The following ABHD17C variants were observed in gnomAD, a reference collection of about 807,000 sequenced individuals.
ABHD17C encodes the protein abhydrolase domain containing 17C, depalmitoylase.
ABHD17C carries 11 observed loss-of-function variants against 27.9 expected under a neutral mutation model. That is an observed-to-expected ratio of 0.39 (90% CI 0.25 to 0.65). The LOEUF is 0.65. Among genes scored for constraint, ABHD17C ranks in the 30% least tolerant of loss-of-function variants. The probability of loss-of-function intolerance (pLI) is 0.45; values close to 1 mark genes in which losing one functional copy is unlikely to be tolerated. For missense variants in ABHD17C, 280 were observed against 470.2 expected (o/e 0.60, Z 3.74); for synonymous variants, 233 against 209.1 (o/e 1.11, Z -0.98).
At chr15:80,703,760 T>C (rs1374276708) in intron 1 of ABHD17C, among the ~76,000 whole-genome samples, 1 of 152,114 alleles carries the variant, frequency 6.6e-6, no homozygotes, top group Non-Finnish European at 1.5e-5. Context: ...TTGAAAAAAA[T>C]GGAATGTTAG....
chr15:80,747,599 A>C (rs1389839414), intron 1 of ABHD17C, among the ~76,000 whole-genome samples: 3 of 151,496 alleles, frequency 2.0e-5, no homozygotes, highest in African/African-American at 7.3e-5. Flanking sequence ...GTTTCCTCAA[A>C]CCTCCCCACC....
intron 1 of ABHD17C, among the ~76,000 whole-genome samples, chr15:80,733,960 ATTATTTATTTATTTAT>A (rs139005879): frequency 1.4e-4 from 20 of 144,610 alleles, no homozygotes; most frequent in African/African-American, 2.3e-4. Flanking sequence ...ATTTTATTTT[ATTATTTATTTATTTAT>A]TTATTTATTT....
intron 1 of ABHD17C, among the ~76,000 whole-genome samples, chr15:80,744,309 C>T (rs1223464437): frequency 6.6e-6 from 1 of 152,088 alleles, no homozygotes; most frequent in Non-Finnish European, 1.5e-5. Context: ...AATTCAGATA[C>T]TTCTCATTTT....
intron 1 of ABHD17C, among the ~76,000 whole-genome samples, chr15:80,698,329 G>T (rs1284910607): frequency 6.6e-6 from 1 of 152,218 alleles, no homozygotes; most frequent in South Asian, 2.1e-4. Context: ...CTCCCAAAGT[G>T]CTGGGATTAC....
intron 2 of ABHD17C, among the ~76,000 whole-genome samples, chr15:80,750,710 T>C (rs889566324): frequency 2.0e-5 from 3 of 152,156 alleles, no homozygotes; most frequent in African/African-American, 7.2e-5. Context: ...AAAGTTGCAC[T>C]GCAGATTTAT....
chr15:80,708,360 G>T (rs1894678332), intron 1 of ABHD17C, among the ~76,000 whole-genome samples: 1 of 152,102 alleles, frequency 6.6e-6, no homozygotes, highest in East Asian at 1.9e-4. Flanking sequence ...CTGTCGCCCA[G>T]GCTGGAGTAC....
chr15:80,748,126 A>G (rs1424788505), intron 1 of ABHD17C, among the ~76,000 whole-genome samples: 1 of 152,156 alleles, frequency 6.6e-6, no homozygotes, highest in Admixed American at 6.5e-5. Context: ...GCATGTTCCA[A>G]TGCCCTGAAT....
At chr15:80,696,781 G>GT (rs1371173691) in intron 1 of ABHD17C, among the ~76,000 whole-genome samples, 3 of 152,200 alleles carry the variant, frequency 2.0e-5, no homozygotes, top group Non-Finnish European at 2.9e-5. Flanking sequence ...TGGGGGCATG[G>GT]TTTAGGGGTT....
chr15:80,748,649 C>G (rs1411969940), intron 1 of ABHD17C, among the ~76,000 whole-genome samples: 2 of 150,252 alleles, frequency 1.3e-5, no homozygotes, highest in African/African-American at 2.5e-5. Context: ...AATAAGAGAG[C>G]ATGTATTTTC....
intron 1 of ABHD17C, among the ~76,000 whole-genome samples, chr15:80,738,819 ACTGGG>A (rs1895168386): frequency 6.6e-6 from 1 of 152,074 alleles, no homozygotes; most frequent in East Asian, 1.9e-4. Context: ...CAGATGAAAT[ACTGGG>A]GGCAAATGAA....
chr15:80,714,043 T>A (rs1894769956), intron 1 of ABHD17C, among the ~76,000 whole-genome samples: 2 of 152,100 alleles, frequency 1.3e-5, no homozygotes, highest in Admixed American at 1.3e-4. Flanking sequence ...ACCCCTGACC[T>A]CCTGGGCTCG....
At chr15:80,753,114 A>C (rs1262554377) in intron 2 of ABHD17C, among the ~76,000 whole-genome samples, 2 of 152,190 alleles carry the variant, frequency 1.3e-5, no homozygotes, top group African/African-American at 4.8e-5. Flanking sequence ...CAGCAAATTA[A>C]GTGTCCAGCT....
Position 80,695,458 on chromosome 15 carries a change from G to A in ABHD17C, c.29G>A (p.Gly10Asp), listed in dbSNP as rs1199545011. MPEPGPRMNGFSLGELCWLF... is the reference protein window; with the variant it reads MPEPGPRMNDFSLGELCWLF... The stretch of plus-strand genomic sequence containing the variant: ...CCCGAGCCAGGCCCCAGGATGAACG[G>A]CTTCTCGCTGGGTGAGCTGTGCTGG... Residue 10 changes from glycine to aspartate, a missense_variant, in exon 1 of 3, where the codon GGC (glycine) becomes GAC (aspartate). By Grantham distance (94) the Gly-to-Asp change is moderately conservative. This residue lies in a region of ABHD17C where 74 missense variants were observed against 75.5 expected (regional missense o/e 0.98). Coordinates refer to ENST00000258884, the MANE Select transcript of ABHD17C (RefSeq NM_021214.2). The surrounding 1 kb of genome is among the most constrained non-coding windows in gnomAD (Gnocchi z 4.3). The A allele has an allele frequency of 7.3e-7, 1 of 1,373,422 alleles. No individual in the cohort carries two copies. The highest frequency in any genetic ancestry group is 9.5e-7 in the Non-Finnish European group (1 of 1,050,878). The allele number at this position is 1,373,422 out of a possible 1,614,324, so 85.1% of individuals were successfully genotyped here.
intron 1 of ABHD17C, among the ~76,000 whole-genome samples, chr15:80,722,171 C>A (rs1281046128): frequency 6.6e-6 from 1 of 151,642 alleles, no homozygotes; most frequent in Admixed American, 6.6e-5. Flanking sequence ...ACTGGAATTC[C>A]TTCTGATTTT....
chr15:80,703,378 A>G (rs957189665), intron 1 of ABHD17C: 13 of 152,206 alleles, frequency 8.5e-5, no homozygotes, highest in Non-Finnish European at 1.5e-5. Context: ...CTTAAACAAG[A>G]CACTTCACAC....
intron 1 of ABHD17C, among the ~76,000 whole-genome samples, chr15:80,697,900 T>G (rs1324578368): frequency 1.3e-5 from 2 of 152,210 alleles, no homozygotes; most frequent in Admixed American, 1.3e-4. Context: ...TGTCTTGTGC[T>G]TTTCAAACTG....
At chr15:80,705,367 G>GTGT (rs57722326) in intron 1 of ABHD17C, among the ~76,000 whole-genome samples, 3 of 150,140 alleles carry the variant, frequency 2.0e-5, no homozygotes, top group Non-Finnish European at 3.0e-5. Flanking sequence ...GTGTGTGTGT[G>GTGT]GTTAGGAGCA....
chr15:80,718,343 A>AT (rs1487865332), intron 1 of ABHD17C, among the ~76,000 whole-genome samples: 5 of 150,956 alleles, frequency 3.3e-5, no homozygotes, highest in African/African-American at 7.3e-5. Flanking sequence ...TTATTTATTT[A>AT]TTTTTTTGAA....
rs902940762 is a variant in ABHD17C at position 80,698,384 on chromosome 15, G to GA, written c.590+2374dup. On this transcript the variant is annotated intron_variant, in intron 1 of 2. Transcript: ENST00000258884. ...TGGCCTATTTCACTTTTATAAAAAA[G>GA]AAAAAAAAAGATGGTTGTGAATTGC... Among the ~76,000 whole-genome samples the GA allele has an allele frequency of 1.5e-3, 221 of 150,592 alleles. 1 individual carries two copies. Among genetic ancestry groups the GA allele is most frequent in the Non-Finnish European group, 1.6e-3 (111 of 67,500 alleles).
Sources: allele counts gnomAD v4.1 joint callset (sites outside exome capture counted in the v4.1 genomes callset), GRCh38; gene constraint gnomAD v4.1.1; regional missense constraint gnomAD v4.1.1; non-coding constraint Gnocchi (gnomAD v3.1); transcripts MANE v1.5; gene names NCBI Gene and HGNC (gene_info 2026-07-23, HGNC 2026-07-21).